The following E2F4 variants were observed in gnomAD, a reference collection of about 807,000 sequenced individuals.
E2F4 encodes the protein transcription factor E2F4.
A neutral mutation model predicts 44.5 loss-of-function variants in E2F4; 16 were observed. That is an observed-to-expected ratio of 0.36 (90% CI 0.24 to 0.55). E2F4 has a LOEUF of 0.55. Among genes scored for constraint, E2F4 ranks in the 20% least tolerant of loss-of-function variants. The pLI, the probability that E2F4 is intolerant of heterozygous loss-of-function variation, is 0.87. For missense variants in E2F4, 473 were observed against 522.1 expected (o/e 0.91, Z 0.92); for synonymous variants, 242 against 207.2 (o/e 1.17, Z -1.44).
At position 67,198,293 on chromosome 16, in the gene E2F4, C is replaced by CT. The variant is rs202169613; in HGVS notation, c.*172dup. 5.4e-3 allele frequency: 3,343 copies of CT among 621,630 alleles called. 39 individuals are homozygous for CT. Among genetic ancestry groups the CT allele is most frequent in the Admixed American group, 0.022 (809 of 36,024 alleles). The allele number at this position is 621,630 out of a possible 1,614,324, so 38.5% of individuals were successfully genotyped here. A position where few individuals can be genotyped will look rare whatever the true frequency, so the allele number is the denominator to read the frequency against. On this transcript the variant is annotated 3_prime_UTR_variant, in exon 10 of 10. Transcript: ENST00000379378. ...CACAGCTCCCGCTCCTGTGCTGGCA[C>CT]TTCTGTGCTCGCAGAGCAGGGGAAC...
chr16:67,196,424 G>A (rs1357839735), intron 7 of E2F4, among the ~76,000 whole-genome samples: 4 of 152,154 alleles, frequency 2.6e-5, no homozygotes, highest in Non-Finnish European at 4.4e-5. Context: ...AAGGCCTGCC[G>A]AGCCCAGCAG....
Position 67,197,902 on chromosome 16 carries a change from T to C in E2F4, c.1117T>C (p.Ser373Pro). 6.2e-7 allele frequency: 1 copy of C among 1,614,034 alleles called. No individual in the cohort carries two copies. The highest frequency in any genetic ancestry group is 1.1e-5 in the South Asian group (1 of 91,086). The change falls in exon 9 of 10, where the codon TCC (serine) becomes CCC (proline). Residue 373 changes from serine to proline, a missense_variant. Transcript: ENST00000379378. ...MSSELLEELM[S>P]SEVFAPLLRL... ...CTCGGAGCTGCTGGAGGAGTTGATG[T>C]CCTCAGAAGGTGGGTGGCCCTGGAA...
chr16:67,198,586 T>G lies in E2F4; in HGVS notation c.*463T>G, dbSNP rs1291468404. On this transcript the variant is annotated 3_prime_UTR_variant, in exon 10 of 10. Transcript: ENST00000379378. Reference sequence around the variant, plus strand: ...ATCCCCCACCCCCTGACCCTCCAGCTCCTCCTGGCCCTCTCACGTGCCCAC... The same window carrying G: ...ATCCCCCACCCCCTGACCCTCCAGCGCCTCCTGGCCCTCTCACGTGCCCAC... The G allele has an allele frequency of 2.7e-5, 5 of 184,218 alleles. No individual in the cohort carries two copies. The East Asian group carries it at 7.2e-4, about 27-fold the overall frequency. The allele number at this position is 184,218 out of a possible 1,614,324, so 11.4% of individuals were successfully genotyped here. A position where few individuals can be genotyped will look rare whatever the true frequency, so the allele number is the denominator to read the frequency against.
In E2F4 at chr16:67,195,938, ACAG is replaced by A. The variant is rs765750035; in HGVS notation, c.972_974del (p.Ser327del). On this transcript the variant is annotated inframe_deletion, in exon 7 of 10. Coordinates refer to ENST00000379378, the MANE Select transcript of E2F4 (RefSeq NM_001950.4). ...AGCAGCAGCAGCAGCAGCAACAGTA[ACAG>A]CAGCAGTTCGTCCGGACCCAACCCT... The A allele has an allele frequency of 6.2e-7, 1 of 1,601,396 alleles. No individual in the cohort carries two copies. Among genetic ancestry groups the A allele is most frequent in the Non-Finnish European group, 8.5e-7 (1 of 1,174,874 alleles).
chr16:67,192,838 C>G lies in E2F4; in HGVS notation c.213C>G (p.Ile71Met), dbSNP rs367905434. 6 of 1,612,422 alleles carry G rather than the reference C, an allele frequency of 3.7e-6. No individual in the cohort carries two copies. The highest frequency in any genetic ancestry group is 1.3e-5 in the African/African-American group (1 of 74,894). Residue 71 changes from isoleucine (I) to methionine (M), a missense_variant, in exon 2 of 10, where the codon ATC (isoleucine) becomes ATG (methionine). Coordinates refer to ENST00000379378, the MANE Select transcript of E2F4 (RefSeq NM_001950.4). The part of the protein sequence containing the change: ...ITNVLEGIGL[I>M]EKKSKNSIQW... Reference sequence around the variant, plus strand: ...ATGTTTTGGAAGGTATCGGGCTAATCGAGAAAAAGTCCAAGAACAGCATCC... The same window carrying G: ...ATGTTTTGGAAGGTATCGGGCTAATGGAGAAAAAGTCCAAGAACAGCATCC...
intron 1 of E2F4, 44 bp downstream of exon 1, chr16:67,192,406 G>T: frequency 7.0e-7 from 1 of 1,419,268 alleles, no homozygotes; most frequent in Non-Finnish European, 9.2e-7. Flanking sequence ...TGGTGGACCA[G>T]GCCTGGGCCG....
At position 67,192,305 on chromosome 16, in the gene E2F4, C is replaced by T. The variant is rs368405674; in HGVS notation, c.78C>T (p.Thr26=). ...ACGAAAAGAGCCTGGGACTGCTCAC[C>T]ACCAAGTTCGTGTCCCTTCTGCAGG... The part of the protein sequence containing the change: ...SRHEKSLGLL[T]TKFVSLLQEA... Residue 26 remains threonine (T), a synonymous_variant, in exon 1 of 10, where the codon ACC becomes ACT. Coordinates refer to ENST00000379378, the MANE Select transcript of E2F4 (RefSeq NM_001950.4). 79 of 1,421,790 alleles carry T rather than the reference C, an allele frequency of 5.6e-5. No individual in the cohort carries two copies. Among genetic ancestry groups the T allele is most frequent in the Non-Finnish European group, 7.0e-5 (76 of 1,084,948 alleles). The allele number at this position is 1,421,790 out of a possible 1,614,324, so 88.1% of individuals were successfully genotyped here.
At position 67,194,899 on chromosome 16, in the gene E2F4, A is replaced by G. The variant is rs770714875; in HGVS notation, c.727A>G (p.Asn243Asp). ...CCAGTCCCAGGAAGCCTCACGTCCA[A>G]ATAGTCCTCAGCTCACTCCCACTGC... is the stretch of plus-strand genomic sequence containing the variant. ...LAQSQEASRP[N>D]SPQLTPTAVP... Residue 243 changes from asparagine (N) to aspartate (D), a missense_variant, in exon 6 of 10, where the codon AAT becomes GAT. Coordinates refer to ENST00000379378, the MANE Select transcript of E2F4 (RefSeq NM_001950.4). 7 of 1,614,138 alleles carry G rather than the reference A, an allele frequency of 4.3e-6. No individual in the cohort carries two copies. The highest frequency in any genetic ancestry group is 2.2e-5 in the East Asian group (1 of 44,874).
At chr16:67,196,854 C>T (rs1260862701) in intron 7 of E2F4, among the ~76,000 whole-genome samples, 1 of 152,154 alleles carries the variant, frequency 6.6e-6, no homozygotes, top group Non-Finnish European at 1.5e-5. Flanking sequence ...ATCCCTCCTC[C>T]TTCTGCTGCC....
At chr16:67,194,248 GCTCT>G in intron 4 of E2F4, 146 bp from the exon 5 acceptor site, 2 of 756,520 alleles carry the variant, frequency 2.6e-6, no homozygotes, top group Non-Finnish European at 4.2e-6. Flanking sequence ...AAGAGCTTTA[GCTCT>G]GCCTGGCCAC....
chr16:67,193,850 G>T (rs1180767265), intron 4 of E2F4: 3 of 391,942 alleles, frequency 7.7e-6, no homozygotes, highest in Non-Finnish European at 1.4e-5. Context: ...GCTCTTACAT[G>T]CAGGGCATGG....
In E2F4 at chr16:67,193,176, C is replaced by T; in HGVS notation, c.407+6C>T. 2 of 1,562,940 alleles carry T rather than the reference C, an allele frequency of 1.3e-6. No individual in the cohort carries two copies. The highest frequency in any genetic ancestry group is 1.7e-6 in the Non-Finnish European group (2 of 1,152,968). On this transcript the variant is annotated splice_donor_region_variant and intron_variant, in intron 3 of 9. Transcript: ENST00000379378. ...GAGGACGTGCAGAACAGCTGATATCCTCCTGGCGGTCCCTGCTGGGGGGAG... is the reference window on the plus strand; with the variant it reads ...GAGGACGTGCAGAACAGCTGATATCTTCCTGGCGGTCCCTGCTGGGGGGAG...
chr16:67,197,494 G>T, intron 7 of E2F4, 105 bp from the exon 8 acceptor site: 1 of 1,166,766 alleles, frequency 8.6e-7, no homozygotes, highest in Admixed American at 1.9e-5. Context: ...CTCCTTAGCT[G>T]TGTGGAGCCT....
chr16:67,196,267 ACTCT>A (rs1197795933), intron 7 of E2F4, among the ~76,000 whole-genome samples: 1 of 151,222 alleles, frequency 6.6e-6, no homozygotes, highest in African/African-American at 2.4e-5. Flanking sequence ...TCTCTGTATC[ACTCT>A]CTCTCATCTT....
Position 67,198,074 on chromosome 16 carries a change from A to T in E2F4, c.1193A>T (p.Glu398Val). ...GDHDYIYNLD[E>V]SEGVCDLFDV... ...CACGATTATATCTACAACCTGGACG[A>T]GAGTGAAGGTGTCTGTGACCTCTTT... The change falls in exon 10 of 10, where the codon GAG (glutamate) becomes GTG (valine). Residue 398 changes from glutamate to valine, a missense_variant. Glu to Val is a moderately radical substitution (Grantham distance 121). This residue lies in a region of E2F4 where 314 missense variants were observed against 315.6 expected (regional missense o/e 0.99). Transcript: ENST00000379378. 1 of 1,614,006 alleles carries T rather than the reference A, an allele frequency of 6.2e-7. No individual in the cohort carries two copies. The highest frequency in any genetic ancestry group is 1.1e-5 in the South Asian group (1 of 91,082).
chr16:67,196,116 A>G (rs1336373201), intron 7 of E2F4, 110 bp downstream of exon 7: 20 of 1,496,200 alleles, frequency 1.3e-5, no homozygotes, highest in Non-Finnish European at 1.7e-5. Context: ...ACCCTGCTGG[A>G]CACGAGAGCT....
In E2F4 at chr16:67,197,914, G is replaced by A. The variant is rs780065163; in HGVS notation, c.1126+3G>A. The A allele has an allele frequency of 1.9e-5, 31 of 1,614,130 alleles. No homozygotes were observed. The highest frequency in any genetic ancestry group is 6.8e-6 in the Non-Finnish European group (8 of 1,180,014). ...GGAGGAGTTGATGTCCTCAGAAGGT[G>A]GGTGGCCCTGGAAGGTGGGAGTGGG... On this transcript the variant is annotated splice_donor_region_variant and intron_variant, in intron 9 of 9. Transcript: ENST00000379378.
rs1567687199 is a variant in E2F4, at chr16:67,192,184, C to T, written c.-44C>T. ...ACGGAAGCGGAAGTGGCGGCGGCGC[C>T]GGCCTGGCCTGGCCTGGCTGAGGGG... On this transcript the variant is annotated 5_prime_UTR_variant, in exon 1 of 10. Transcript: ENST00000379378. 2 of 1,161,186 alleles carry T rather than the reference C, an allele frequency of 1.7e-6. No individual in the cohort carries two copies. The highest frequency in any genetic ancestry group is 1.1e-6 in the Non-Finnish European group (1 of 942,492). 71.9% of individuals were successfully genotyped at this position (1,161,186 alleles called of 1,614,324 possible).
rs1260108793 is a variant in E2F4 at position 67,197,996 on chromosome 16, T to C, written c.1127-12T>C. 2 of 1,614,054 alleles carry C rather than the reference T, an allele frequency of 1.2e-6. No individual in the cohort carries two copies. Among genetic ancestry groups the C allele is most frequent in the Admixed American group, 1.7e-5 (1 of 60,032 alleles). On this transcript the variant is annotated splice_polypyrimidine_tract_variant and intron_variant, in intron 9 of 9. Coordinates refer to ENST00000379378, the MANE Select transcript of E2F4 (RefSeq NM_001950.4). ...GCCCTGGCCCAGGGCCTGAGACTAGTGCTCTCTGCAGTGTTTGCCCCTCTG... is the reference window on the plus strand; with the variant it reads ...GCCCTGGCCCAGGGCCTGAGACTAGCGCTCTCTGCAGTGTTTGCCCCTCTG...
Sources: gnomAD v4.1 joint callset for allele counts (sites outside exome capture counted in the v4.1 genomes callset) on GRCh38, gnomAD v4.1.1 for gene constraint, gnomAD v4.1.1 regional missense constraint, MANE v1.5 for transcripts, NCBI Gene and HGNC (gene_info 2026-07-23, HGNC 2026-07-21) for gene names.